Variants in THSD7B observed in about 807,000 individuals in gnomAD.
THSD7B encodes thrombospondin type 1 domain containing 7B.
Under a neutral mutation model 213.6 loss-of-function variants are expected in THSD7B, and 138 were observed. The ratio of observed to expected loss-of-function variants is 0.65; its 90% CI spans 0.56 to 0.74. THSD7B has a LOEUF of 0.74. Among genes scored for constraint, THSD7B ranks in the 30% least tolerant of loss-of-function variants. THSD7B has a pLI of 0.00. For missense variants in THSD7B, 1,931 were observed against 1,991.5 expected, an observed-to-expected ratio of 0.97 and a Z score of 0.58; for synonymous variants, 742 against 687.0, an observed-to-expected ratio of 1.08 and a Z score of -1.25.
chr2:137,285,902 G>A (rs548746454), intron 12 of THSD7B, among the ~76,000 whole-genome samples: 10 of 151,896 alleles, frequency 6.6e-5, no homozygotes, highest in East Asian at 5.8e-4. Flanking sequence ...TCAGGAGTTC[G>A]AGACCAGCCT....
intron 20 of THSD7B, among the ~76,000 whole-genome samples, chr2:137,639,211 C>T (rs1203578541): frequency 1.3e-5 from 2 of 152,070 alleles, no homozygotes; most frequent in African/African-American, 4.8e-5. Context: ...TGCCCTGTGT[C>T]CCAGCTGCTC....
At chr2:137,641,576 A>G (rs1243991596) in intron 20 of THSD7B, among the ~76,000 whole-genome samples, 1 of 152,264 alleles carries the variant, frequency 6.6e-6, no homozygotes, top group African/African-American at 2.4e-5. Context: ...AAAGAACAAG[A>G]GTAGGAAAGA....
chr2:137,158,788 G>A (rs927318949), intron 5 of THSD7B, among the ~76,000 whole-genome samples: 4 of 152,112 alleles, frequency 2.6e-5, no homozygotes, highest in Middle Eastern at 3.2e-3. Context: ...AAAGTAGATG[G>A]TATGATTTAC....
chr2:136,780,771 A>G (rs919104441), intron 1 of THSD7B, among the ~76,000 whole-genome samples: 3 of 152,194 alleles, frequency 2.0e-5, no homozygotes, highest in African/African-American at 7.2e-5. Context: ...ATCTCTTTAG[A>G]TGTGCATTTA....
intron 2 of THSD7B, among the ~76,000 whole-genome samples, chr2:136,998,261 C>CAAAAAAAAAAAAAAAAAAAAAAAAAA (rs33931359): frequency 6.1e-5 from 6 of 98,396 alleles, no homozygotes; most frequent in South Asian, 3.5e-4. Flanking sequence ...ACTAAAAGGC[C>CAAAAAAAAAAAAAAAAAAAAAAAAAA]AAAAAAAAAA....
intron 2 of THSD7B, among the ~76,000 whole-genome samples, chr2:137,032,363 C>T (rs1162947287): frequency 6.6e-6 from 1 of 152,180 alleles, no homozygotes; most frequent in East Asian, 1.9e-4. Context: ...CCTACCCTGT[C>T]TTAGTTATCT....
chr2:137,668,613 G>A (rs1288640988), intron 27 of THSD7B, among the ~76,000 whole-genome samples: 1 of 152,064 alleles, frequency 6.6e-6, no homozygotes, highest in Non-Finnish European at 1.5e-5. Flanking sequence ...GGACTGGGGT[G>A]CCTACTCCCC....
chr2:136,795,706 G>A (rs1234349238), intron 1 of THSD7B, among the ~76,000 whole-genome samples: 1 of 151,668 alleles, frequency 6.6e-6, no homozygotes, highest in Non-Finnish European at 1.5e-5. Context: ...TTTTCTATTT[G>A]TTGCATTTTT....
chr2:137,196,390 T>G (rs1218214731), intron 7 of THSD7B, among the ~76,000 whole-genome samples: 4 of 148,344 alleles, frequency 2.7e-5, no homozygotes, highest in African/African-American at 7.5e-5. Flanking sequence ...TTTTTTTTTT[T>G]TTTTTTTTTT....
At chr2:137,586,243 T>C (rs1361205890) in intron 17 of THSD7B, among the ~76,000 whole-genome samples, 2 of 152,338 alleles carry the variant, frequency 1.3e-5, no homozygotes, top group East Asian at 1.9e-4. Context: ...GCACATGAGA[T>C]GGGTCTCCTG....
intron 2 of THSD7B, among the ~76,000 whole-genome samples, chr2:137,040,484 C>G (rs1319681008): frequency 6.6e-6 from 1 of 151,734 alleles, no homozygotes; most frequent in Non-Finnish European, 1.5e-5. Flanking sequence ...GCCTCTGTCT[C>G]CCAGATTCAA....
intron 10 of THSD7B, among the ~76,000 whole-genome samples, chr2:137,250,322 G>A (rs1383320248): frequency 1.3e-5 from 2 of 152,078 alleles, no homozygotes; most frequent in African/African-American, 4.8e-5. Context: ...ATGTATACAT[G>A]ATGGAATGAT....
intron 12 of THSD7B, among the ~76,000 whole-genome samples, chr2:137,377,532 C>T (rs1040885889): frequency 2.0e-5 from 3 of 151,844 alleles, no homozygotes; most frequent in Non-Finnish European, 4.4e-5. Flanking sequence ...TGTTTTGTGA[C>T]GTGATGTCTG....
intron 7 of THSD7B, among the ~76,000 whole-genome samples, chr2:137,212,627 G>A (rs1029395021): frequency 6.6e-6 from 1 of 151,208 alleles, no homozygotes; most frequent in Admixed American, 6.6e-5. Flanking sequence ...TCGAAGGTAG[G>A]CCTCATCTCT....
chr2:137,586,933 T>C (rs1480489608), intron 17 of THSD7B, among the ~76,000 whole-genome samples: 2 of 152,256 alleles, frequency 1.3e-5, no homozygotes, highest in African/African-American at 4.8e-5. Context: ...CAGAGTGTTT[T>C]CCAACTTGGT....
intron 14 of THSD7B, among the ~76,000 whole-genome samples, chr2:137,423,199 A>T (rs2105028804): frequency 6.6e-6 from 1 of 152,262 alleles, no homozygotes; most frequent in South Asian, 2.1e-4. Context: ...TTGATTAAAG[A>T]AAAAATAGTT....
intron 10 of THSD7B, among the ~76,000 whole-genome samples, chr2:137,253,608 A>G (rs1469454772): frequency 6.6e-6 from 1 of 152,054 alleles, no homozygotes; most frequent in Non-Finnish European, 1.5e-5. Context: ...TATGATTCTT[A>G]TTTGTCGATA....
chr2:137,007,958 T>C (rs567169901), intron 2 of THSD7B, among the ~76,000 whole-genome samples: 1 of 152,274 alleles, frequency 6.6e-6, no homozygotes, highest in African/African-American at 2.4e-5. Context: ...ATGAACATGA[T>C]TGATACTAGT....
At chr2:137,365,869 G>A (rs1181224387) in intron 12 of THSD7B, among the ~76,000 whole-genome samples, 1 of 152,162 alleles carries the variant, frequency 6.6e-6, no homozygotes, top group Non-Finnish European at 1.5e-5. Flanking sequence ...AATACCATTT[G>A]ACCCAGCCAT....
Sources: allele counts gnomAD v4.1 joint callset (sites outside exome capture counted in the v4.1 genomes callset), GRCh38; gene constraint gnomAD v4.1.1; transcripts MANE v1.5; gene names NCBI Gene and HGNC (gene_info 2026-07-23, HGNC 2026-07-21).